TMEM132C: variants seen among roughly 807,000 people sequenced by gnomAD.
TMEM132C encodes the protein transmembrane protein 132C.
A neutral mutation model predicts 61.4 loss-of-function variants in TMEM132C; 29 were observed. That is an observed-to-expected ratio of 0.47 (90% confidence interval 0.35 to 0.64). The LOEUF (loss-of-function observed/expected upper bound fraction) is 0.64. Among genes scored for constraint, TMEM132C ranks in the 30% least tolerant of loss-of-function variants. The pLI is 0.00. For synonymous variants in TMEM132C, 656 were observed against 633.1 expected, an observed-to-expected ratio of 1.04 and a Z score of -0.54; for missense variants, 1,408 against 1,476.9, an observed-to-expected ratio of 0.95 and a Z score of 0.76.
Position 128,415,534 on chromosome 12 carries a change from G to A in TMEM132C, c.888G>A (p.Leu296=), listed in dbSNP as rs1187562366. 1 of 1,551,446 alleles carries A rather than the reference G, an allele frequency of 6.4e-7. No individual in the cohort carries two copies. The highest frequency in any genetic ancestry group is 1.2e-5 in the South Asian group (1 of 84,054). ...TGGATGGTAACGTGGTCATCTGGCT[G>A]CCTTCCAGGCCAGTCAAGCAGGGAG... The part of the protein sequence containing the change: ...LRLDGNVVIW[L]PSRPVKQGEV... The change falls in exon 2 of 9, where the codon CTG becomes CTA. Residue 296 remains leucine (L), a synonymous_variant. Coordinates refer to ENST00000435159, the MANE Select transcript of TMEM132C (RefSeq NM_001136103.3). This position sits in a 1 kb window ranked among gnomAD's most constrained non-coding sequence, Gnocchi z 5.8.
intron 1 of TMEM132C, among the ~76,000 whole-genome samples, chr12:128,387,387 T>G (rs1322212819): frequency 6.6e-6 from 1 of 152,192 alleles, no homozygotes; most frequent in Non-Finnish European, 1.5e-5. Flanking sequence ...GCACCAGGCT[T>G]GGGAAACCTG....
rs538330139 is a variant in TMEM132C at position 128,667,903 on chromosome 12, C to T, written c.1306-1514C>T. ...GTCTGAGCAGGATAAATCAAAGTCC[C>T]CATTGACTATGATGGAATGGGCTCC... On this transcript the variant is annotated intron_variant, in intron 4 of 8. Transcript: ENST00000435159. 3.9e-5 allele frequency among the ~76,000 whole-genome samples: 6 copies of T among 152,294 alleles called. 1 individual carries two copies. Among genetic ancestry groups the T allele is most frequent in the African/African-American group, 1.4e-4 (6 of 41,560 alleles).
chr12:128,654,914 G>A (rs1954308977), intron 4 of TMEM132C, among the ~76,000 whole-genome samples: 1 of 152,198 alleles, frequency 6.6e-6, no homozygotes, highest in Admixed American at 6.5e-5. Context: ...ATGTTCAGGA[G>A]AGAGAGCTTC....
intron 2 of TMEM132C, among the ~76,000 whole-genome samples, chr12:128,464,935 G>GTGAA (rs1485030440): frequency 6.6e-6 from 1 of 152,208 alleles, no homozygotes; most frequent in African/African-American, 2.4e-5. Flanking sequence ...ATGCCAGTGA[G>GTGAA]TGAATGGAGA....
intron 1 of TMEM132C, among the ~76,000 whole-genome samples, chr12:128,318,110 A>G (rs147240381): frequency 1.1e-3 from 164 of 152,328 alleles, no homozygotes; most frequent in African/African-American, 3.7e-3. Context: ...GTGGTGAAAA[A>G]AACAGACACG....
chr12:128,468,529 G>T (rs1452126684), intron 2 of TMEM132C, among the ~76,000 whole-genome samples: 2 of 152,044 alleles, frequency 1.3e-5, no homozygotes, highest in Non-Finnish European at 2.9e-5. Context: ...ATGTTGGTCA[G>T]GTTGGTCTGG....
intron 3 of TMEM132C, among the ~76,000 whole-genome samples, chr12:128,597,666 C>T (rs374326612): frequency 6.6e-6 from 1 of 152,192 alleles, no homozygotes; most frequent in Admixed American, 6.5e-5. Flanking sequence ...GTGGCCAACA[C>T]AGTTTCTCAT....
intron 4 of TMEM132C, among the ~76,000 whole-genome samples, chr12:128,627,323 A>G (rs948628690): frequency 1.4e-4 from 22 of 152,090 alleles, no homozygotes; most frequent in African/African-American, 5.1e-4. Context: ...GCTCCTTGAC[A>G]GCTGGAATTT....
At position 128,573,127 on chromosome 12, in the gene TMEM132C, A is replaced by G. The variant is rs369147078; in HGVS notation, c.1121+29024A>G. Among the ~76,000 whole-genome samples the G allele has an allele frequency of 4.6e-5, 7 of 152,260 alleles. No individual in the cohort carries two copies. The East Asian group carries it at 1.2e-3, about 25-fold the overall frequency. On this transcript the variant is annotated intron_variant, in intron 3 of 8. Coordinates refer to ENST00000435159, the MANE Select transcript of TMEM132C (RefSeq NM_001136103.3). ...GTATATACCCAAAGGATTATAAATCATGCTGCTATAAAGACACATGCACAT... is the reference window on the plus strand; with the variant it reads ...GTATATACCCAAAGGATTATAAATCGTGCTGCTATAAAGACACATGCACAT...
chr12:128,515,728 G>T (rs577145942), intron 2 of TMEM132C, among the ~76,000 whole-genome samples: 5 of 152,226 alleles, frequency 3.3e-5, no homozygotes, highest in African/African-American at 1.2e-4. Flanking sequence ...CCAGCTACTT[G>T]GGAGGCTGAG....
chr12:128,517,783 T>A (rs1329674515), intron 2 of TMEM132C, among the ~76,000 whole-genome samples: 2 of 152,126 alleles, frequency 1.3e-5, no homozygotes, highest in Non-Finnish European at 2.9e-5. Flanking sequence ...TGAAGGTAGT[T>A]TTATGGAAAT....
rs535845996 is a variant in TMEM132C at position 128,512,277 on chromosome 12, A to C, written c.975-31680A>C. ...AGAGCCACTTGCATTTGTTTCTTGTATCTCCTTCTAATCTTTCTTTATACA... is the reference window on the plus strand; with the variant it reads ...AGAGCCACTTGCATTTGTTTCTTGTCTCTCCTTCTAATCTTTCTTTATACA... On this transcript the variant is annotated intron_variant, in intron 2 of 8. Coordinates refer to ENST00000435159, the MANE Select transcript of TMEM132C (RefSeq NM_001136103.3). Among the ~76,000 whole-genome samples, 9 of 152,170 alleles carry C rather than the reference A, an allele frequency of 5.9e-5. No individual in the cohort carries two copies. In the East Asian group the frequency reaches 1.7e-3, roughly 29 times the overall value.
chr12:128,411,456 C>T (rs886234095), intron 1 of TMEM132C, among the ~76,000 whole-genome samples: 2 of 152,136 alleles, frequency 1.3e-5, no homozygotes, highest in African/African-American at 2.4e-5. Context: ...TAATGGCTTA[C>T]AATCTTTTAA....
chr12:128,424,328 T>A (rs1403222774), intron 2 of TMEM132C, among the ~76,000 whole-genome samples: 1 of 151,964 alleles, frequency 6.6e-6, no homozygotes, highest in East Asian at 1.9e-4. Flanking sequence ...TATGCGTAGA[T>A]CACCTCATGA....
At chr12:128,678,617 C>G (rs558698536) in intron 5 of TMEM132C, among the ~76,000 whole-genome samples, 2 of 152,320 alleles carry the variant, frequency 1.3e-5, no homozygotes, top group East Asian at 3.9e-4. Context: ...CCAGGCAGCC[C>G]TAGACCAGTG....
intron 1 of TMEM132C, among the ~76,000 whole-genome samples, chr12:128,313,181 A>G (rs117789219): frequency 0.011 from 1,707 of 152,346 alleles, 11 homozygotes; most frequent in South Asian, 0.024. Flanking sequence ...ACTCACCATT[A>G]TGAAGCCAAA....
intron 2 of TMEM132C, among the ~76,000 whole-genome samples, chr12:128,492,479 T>C (rs1871775646): frequency 6.6e-6 from 1 of 152,204 alleles, no homozygotes; most frequent in Non-Finnish European, 1.5e-5. Flanking sequence ...CGTGTAAAAG[T>C]GTTCCGATTT....
At position 128,444,872 on chromosome 12, in the gene TMEM132C, TAAGTC is replaced by T. The variant is rs57664283; in HGVS notation, c.974+29256_974+29260del. Among the ~76,000 whole-genome samples the T allele has an allele frequency of 9.4e-3, 1,428 of 152,282 alleles. 22 individuals carry two copies. The highest frequency in any genetic ancestry group is 0.033 in the African/African-American group (1,354 of 41,552). ...AGGAACGACCATTAGGAAGTGGTCTTAAGTCAAGACCAAAGAACTCATTAAGAAAT... is the reference window on the plus strand; with the variant it reads ...AGGAACGACCATTAGGAAGTGGTCTTAAGACCAAAGAACTCATTAAGAAAT... On this transcript the variant is annotated intron_variant, in intron 2 of 8. Coordinates refer to ENST00000435159, the MANE Select transcript of TMEM132C (RefSeq NM_001136103.3).
chr12:128,629,351 CA>C (rs200724143), intron 4 of TMEM132C, among the ~76,000 whole-genome samples: 3,476 of 151,788 alleles, frequency 0.023, 115 homozygotes, highest in African/African-American at 0.08. Context: ...CTTGTCTCTG[CA>C]AAAAAAATTT....
Sources: allele counts gnomAD v4.1 joint callset (sites outside exome capture counted in the v4.1 genomes callset), GRCh38; gene constraint gnomAD v4.1.1; non-coding constraint Gnocchi (gnomAD v3.1); transcripts MANE v1.5; gene names NCBI Gene and HGNC (gene_info 2026-07-23, HGNC 2026-07-21).